Variants in CNDP1 observed in about 807,000 individuals in gnomAD.
CNDP1 encodes the protein beta-Ala-His dipeptidase.
In CNDP1, 44 loss-of-function variants were observed where a neutral mutation model predicts 58.1. That is an observed-to-expected ratio of 0.76 (90% CI 0.60 to 0.97). CNDP1 has a LOEUF of 0.97. CNDP1 is among the 50% of genes least tolerant of loss of function. The probability of loss-of-function intolerance (pLI) is 0.00; values close to 1 mark genes in which losing one functional copy is unlikely to be tolerated. For synonymous variants in CNDP1, 254 were observed against 252.6 expected (o/e 1.01, Z -0.05); for missense variants, 616 against 655.1 (o/e 0.94, Z 0.65).
At chr18:74,580,531 C>T (rs1314859585) in intron 10 of CNDP1, among the ~76,000 whole-genome samples, 1 of 152,238 alleles carries the variant, frequency 6.6e-6, no homozygotes, top group Non-Finnish European at 1.5e-5. Context: ...GGGTGCCCAG[C>T]TCACAAGGGG....
rs143128683 is a variant in CNDP1 at position 74,572,024 on chromosome 18, C to T, written c.841+754C>T. On this transcript the variant is annotated intron_variant, in intron 7 of 11. Transcript: ENST00000358821. ...GCTTGTCACGGTGGCTGGAATGCAGCATGTCCATCAGTGAGTAATGGCCTG... is the reference window on the plus strand; with the variant it reads ...GCTTGTCACGGTGGCTGGAATGCAGTATGTCCATCAGTGAGTAATGGCCTG... Among the ~76,000 whole-genome samples, 1,087 of 152,272 alleles carry T rather than the reference C, an allele frequency of 7.1e-3. 11 individuals carry two copies. The highest frequency in any genetic ancestry group is 0.025 in the African/African-American group (1,021 of 41,564).
Position 74,584,719 on chromosome 18 carries a change from A to G in CNDP1, c.*157A>G. On this transcript the variant is annotated 3_prime_UTR_variant, in exon 12 of 12. Coordinates refer to ENST00000358821, the MANE Select transcript of CNDP1 (RefSeq NM_032649.6). Reference sequence around the variant, plus strand: ...TCTTGGGATATCTGGATCAGTAATAAAATATTTCAAAGGCACAGATGTTGG... The same window carrying G: ...TCTTGGGATATCTGGATCAGTAATAGAATATTTCAAAGGCACAGATGTTGG... 1 of 613,730 alleles carries G rather than the reference A, an allele frequency of 1.6e-6. No homozygotes were observed. Among genetic ancestry groups the G allele is most frequent in the Non-Finnish European group, 2.9e-6 (1 of 343,330 alleles). The allele number at this position is 613,730 out of a possible 1,614,324, so 38.0% of individuals were successfully genotyped here.
chr18:74,560,770 A>G (rs1981172474), intron 3 of CNDP1, 86 bp from the exon 4 acceptor site: 6 of 1,279,010 alleles, frequency 4.7e-6, no homozygotes, highest in Non-Finnish European at 5.6e-6. Flanking sequence ...TCCCAATGTC[A>G]AACAAGACTC....
chr18:74,553,247 G>A (rs553614607), intron 1 of CNDP1, among the ~76,000 whole-genome samples: 34 of 152,140 alleles, frequency 2.2e-4, no homozygotes, highest in Admixed American at 8.5e-4. Context: ...TTTTCTTGAT[G>A]GTGTTCTTTG....
At chr18:74,567,574 A>T (rs1474645372) in intron 6 of CNDP1, 141 bp downstream of exon 6, 5 of 728,490 alleles carry the variant, frequency 6.9e-6, no homozygotes, top group Admixed American at 5.0e-5. Context: ...GCCTCAGGGG[A>T]GGTGGGGTGG....
At chr18:74,554,164 T>A (rs1980978546) in intron 1 of CNDP1, among the ~76,000 whole-genome samples, 1 of 152,198 alleles carries the variant, frequency 6.6e-6, no homozygotes, top group Non-Finnish European at 1.5e-5. Context: ...TTTATCCACA[T>A]GCCCTCTTCC....
chr18:74,561,962 C>A (rs1452916721), intron 4 of CNDP1, 85 bp from the exon 5 acceptor site: 3 of 1,072,068 alleles, frequency 2.8e-6, no homozygotes, highest in Non-Finnish European at 4.3e-6. Flanking sequence ...CTGTTAACAT[C>A]AGTACCCATG....
rs1424605176 is a variant in CNDP1 at position 74,559,482 on chromosome 18, G to A, written c.303+10G>A. 1.2e-5 allele frequency: 19 copies of A among 1,595,558 alleles called. No homozygotes were observed. Among genetic ancestry groups the A allele is most frequent in the Admixed American group, 1.7e-5 (1 of 57,166 alleles). The stretch of plus-strand genomic sequence containing the variant: ...CATGGGTCCTCAGCAGGTGCTGTAC[G>A]ATTCCCTCCCACTGAGGGAGGTGCT... On this transcript the variant is annotated intron_variant, in intron 3 of 11. Transcript: ENST00000358821.
intron 4 of CNDP1, chr18:74,561,709 TG>T (rs1473433328): frequency 4.4e-6 from 1 of 226,684 alleles, no homozygotes; most frequent in African/African-American, 2.2e-5. Flanking sequence ...CTATGCCACG[TG>T]GCACTCTGCA....
intron 3 of CNDP1, among the ~76,000 whole-genome samples, chr18:74,559,862 C>T (rs1981141091): frequency 6.6e-6 from 1 of 152,106 alleles, no homozygotes; most frequent in Non-Finnish European, 1.5e-5. Flanking sequence ...GCATTTTTTT[C>T]ATCAGAACCA....
Position 74,560,836 on chromosome 18 carries a change from G to A in CNDP1, c.304-20G>A. ...AACAACACAGCATTTTTGAAAATGT[G>A]ATTCCTGATCATTCTGCAGCTGCCC... On this transcript the variant is annotated intron_variant, in intron 3 of 11. Transcript: ENST00000358821. The A allele has an allele frequency of 6.2e-7, 1 of 1,602,900 alleles. No homozygotes were observed. Among genetic ancestry groups the A allele is most frequent in the Non-Finnish European group, 8.5e-7 (1 of 1,170,568 alleles).
rs879496319 is a variant in CNDP1 at position 74,573,436 on chromosome 18, C to CTATGTATCTATG, written c.841+2169_841+2170insGTATCTATGTAT. ...ATCATCTATCCATCCATCCAACTAT[C>CTATGTATCTATG]TATCTATGTATCTATGTATCTATCT... is the stretch of plus-strand genomic sequence containing the variant. On this transcript the variant is annotated intron_variant, in intron 7 of 11. Transcript: ENST00000358821. 8.2e-4 allele frequency among the ~76,000 whole-genome samples: 121 copies of CTATGTATCTATG among 146,872 alleles called. 1 individual carries two copies. Among genetic ancestry groups the CTATGTATCTATG allele is most frequent in the African/African-American group, 2.7e-3 (108 of 39,310 alleles).
chr18:74,570,225 T>TAATA, intron 6 of CNDP1, among the ~76,000 whole-genome samples: 1 of 106,102 alleles, frequency 9.4e-6, no homozygotes, highest in Non-Finnish European at 1.8e-5. Context: ...TAATTAATAA[T>TAATA]AATAATAATA....
chr18:74,559,248 C>CT, intron 2 of CNDP1, 75 bp from the exon 3 acceptor site: 1 of 1,494,692 alleles, frequency 6.7e-7, no homozygotes, highest in Non-Finnish European at 9.3e-7. Flanking sequence ...TCGCTGTCTC[C>CT]TGCCCTCCCT....
intron 2 of CNDP1, among the ~76,000 whole-genome samples, chr18:74,556,884 G>C (rs945265083): frequency 6.6e-6 from 1 of 152,196 alleles, no homozygotes; most frequent in South Asian, 2.1e-4. Flanking sequence ...TGTGCAACAG[G>C]CACTTTATCT....
chr18:74,554,235 A>T (rs1430239751), intron 1 of CNDP1, among the ~76,000 whole-genome samples: 1 of 152,088 alleles, frequency 6.6e-6, no homozygotes, highest in Non-Finnish European at 1.5e-5. Context: ...GGTCACTCAG[A>T]TTTTATGCCA....
chr18:74,577,974 T>C, intron 8 of CNDP1, 189 bp from the exon 9 acceptor site: 1 of 538,068 alleles, frequency 1.9e-6, no homozygotes, highest in Non-Finnish European at 3.3e-6. Context: ...TGATGGGTAG[T>C]GAAGGCATCT....
chr18:74,569,857 G>T (rs1981426862), intron 6 of CNDP1, among the ~76,000 whole-genome samples: 1 of 152,000 alleles, frequency 6.6e-6, no homozygotes, highest in African/African-American at 2.4e-5. Flanking sequence ...GTTATAGACT[G>T]AACATTCCAC....
intron 2 of CNDP1, 113 bp from the exon 3 acceptor site, chr18:74,559,210 C>T: frequency 9.9e-7 from 1 of 1,005,352 alleles, no homozygotes; most frequent in Non-Finnish European, 1.6e-6. Flanking sequence ...TCCTCAGGTC[C>T]TTGATCAACA....
Sources: allele counts gnomAD v4.1 joint callset (sites outside exome capture counted in the v4.1 genomes callset), GRCh38; gene constraint gnomAD v4.1.1; transcripts MANE v1.5; gene names NCBI Gene and HGNC (gene_info 2026-07-23, HGNC 2026-07-21).